MYO16: variants seen among roughly 807,000 people sequenced by gnomAD.
MYO16 encodes unconventional myosin-XVI.
A neutral mutation model predicts 205.3 loss-of-function variants in MYO16; 94 were observed. The ratio of observed to expected loss-of-function variants is 0.46; its 90% CI spans 0.39 to 0.54. MYO16 has a LOEUF of 0.54. MYO16 is among the 20% of genes least tolerant of loss of function. The pLI, the probability that MYO16 is intolerant of heterozygous loss-of-function variation, is 0.00. For missense variants in MYO16, 2,315 were observed against 2,387.5 expected, an observed-to-expected ratio of 0.97 and a Z score of 0.63; for synonymous variants, 988 against 954.0, an observed-to-expected ratio of 1.04 and a Z score of -0.66.
intron 20 of MYO16, among the ~76,000 whole-genome samples, chr13:108,990,511 A>G (rs1264055687): frequency 7.0e-6 from 1 of 142,094 alleles, no homozygotes; most frequent in Admixed American, 7.0e-5. Context: ...CCAAAACTGA[A>G]ATCAGAAAAA....
intron 4 of MYO16, among the ~76,000 whole-genome samples, chr13:108,745,009 G>A (rs865785453): frequency 1.1e-4 from 17 of 152,124 alleles, no homozygotes; most frequent in African/African-American, 4.1e-4. Flanking sequence ...GCAATAAAGT[G>A]TCACTGAAAA....
At chr13:109,195,518 A>C (rs548160847) in intron 34 of MYO16, among the ~76,000 whole-genome samples, 1 of 152,124 alleles carries the variant, frequency 6.6e-6, no homozygotes, top group Non-Finnish European at 1.5e-5. Flanking sequence ...CTTCGGTTTT[A>C]TAGACTCTGT....
At chr13:108,886,994 C>T (rs1381996534) in intron 13 of MYO16, among the ~76,000 whole-genome samples, 1 of 152,058 alleles carries the variant, frequency 6.6e-6, no homozygotes, top group Non-Finnish European at 1.5e-5. Context: ...TCCATTTTTA[C>T]GAATATGATA....
At chr13:109,038,653 C>T (rs992725774) in intron 23 of MYO16, among the ~76,000 whole-genome samples, 7 of 151,950 alleles carry the variant, frequency 4.6e-5, no homozygotes, top group African/African-American at 1.7e-4. Flanking sequence ...TTGGAGAACC[C>T]TGATGAATAC....
the MYO16 span, among the ~76,000 whole-genome samples, chr13:108,545,817 T>C: frequency 6.6e-6 from 1 of 152,202 alleles, no homozygotes; most frequent in Non-Finnish European, 1.5e-5. Context: ...CCTTGGCATG[T>C]TGGAGTCAGA....
intron 33 of MYO16, among the ~76,000 whole-genome samples, chr13:109,174,693 T>G (rs1879081086): frequency 6.6e-6 from 1 of 151,960 alleles, no homozygotes; most frequent in South Asian, 2.1e-4. Context: ...CGGTCAGCCA[T>G]GTAAAATTCA....
intron 27 of MYO16, among the ~76,000 whole-genome samples, chr13:109,079,597 A>G (rs1391634462): frequency 6.6e-6 from 1 of 152,112 alleles, no homozygotes; most frequent in East Asian, 1.9e-4. Flanking sequence ...GGGAACAACA[A>G]GCACCGCAGG....
chr13:108,957,582 G>C, intron 16 of MYO16, 106 bp from the exon 17 acceptor site: 1 of 713,426 alleles, frequency 1.4e-6, no homozygotes, highest in Admixed American at 2.1e-5. Context: ...ACCATGTCCA[G>C]GTGATTCCCA....
At chr13:109,028,218 A>G (rs1018223904) in intron 23 of MYO16, among the ~76,000 whole-genome samples, 2 of 149,760 alleles carry the variant, frequency 1.3e-5, no homozygotes, top group Admixed American at 1.3e-4. Flanking sequence ...TTCTCTAACT[A>G]TAGTATTAAA....
rs745401773 is a variant in MYO16 at position 109,127,617 on chromosome 13, C to T, written c.4051+67C>T. The T allele has an allele frequency of 6.5e-7, 1 of 1,530,932 alleles. No individual in the cohort carries two copies. The highest frequency in any genetic ancestry group is 8.8e-7 in the Non-Finnish European group (1 of 1,130,170). The allele number at this position is 1,530,932 out of a possible 1,614,324, so 94.8% of individuals were successfully genotyped here. Reference sequence around the variant, plus strand: ...CGCATGCTCTGACTTCGCCTTGGGGCGCCCATGGCAGTACTGTCGCCCTAA... The same window carrying T: ...CGCATGCTCTGACTTCGCCTTGGGGTGCCCATGGCAGTACTGTCGCCCTAA... On this transcript the variant is annotated intron_variant, in intron 31 of 34. Coordinates refer to ENST00000457511, the MANE Select transcript of MYO16 (RefSeq NM_001198950.3). The surrounding 1 kb of genome is among the most constrained non-coding windows in gnomAD (Gnocchi z 4.2).
intron 2 of MYO16, among the ~76,000 whole-genome samples, chr13:108,681,413 T>C (rs1187024310): frequency 6.6e-6 from 1 of 152,218 alleles, no homozygotes; most frequent in African/African-American, 2.4e-5. Flanking sequence ...TCATTTCCAA[T>C]GTTGTTTCAG....
intron 22 of MYO16, among the ~76,000 whole-genome samples, chr13:109,015,270 AT>A (rs1885765594): frequency 6.6e-6 from 1 of 152,098 alleles, no homozygotes; most frequent in Non-Finnish European, 1.5e-5. Context: ...ACGTTTATCG[AT>A]TTGTGTATGT....
the MYO16 span, among the ~76,000 whole-genome samples, chr13:108,525,093 C>T: frequency 6.6e-6 from 1 of 152,140 alleles, no homozygotes; most frequent in Non-Finnish European, 1.5e-5. Context: ...GTCCACTCAA[C>T]ACACAGACTT....
chr13:108,619,015 C>A (rs961558295), intron 1 of MYO16, among the ~76,000 whole-genome samples: 9 of 152,160 alleles, frequency 5.9e-5, no homozygotes, highest in Non-Finnish European at 1.5e-5. Flanking sequence ...TGCCTGATTT[C>A]TATTATCATA....
intron 16 of MYO16, among the ~76,000 whole-genome samples, chr13:108,924,841 C>T (rs544099936): frequency 1.2e-4 from 19 of 152,172 alleles, no homozygotes; most frequent in African/African-American, 4.6e-4. Context: ...CGCACCCTGA[C>T]GTATTCAGTT....
chr13:109,046,597 G>T (rs936027520), intron 23 of MYO16, among the ~76,000 whole-genome samples: 8 of 152,186 alleles, frequency 5.3e-5, no homozygotes, highest in Non-Finnish European at 1.0e-4. Flanking sequence ...ACTTGGTTTA[G>T]TGAGTTTTCT....
Position 108,828,961 on chromosome 13 carries a change from T to C in MYO16, c.1097+5683T>C, listed in dbSNP as rs402556. Among the ~76,000 whole-genome samples the C allele has an allele frequency of 2.8e-3, 419 of 152,334 alleles. 6 individuals are homozygous for C. The highest frequency in any genetic ancestry group is 8.8e-3 in the African/African-American group (364 of 41,576). On this transcript the variant is annotated intron_variant, in intron 9 of 34. Transcript: ENST00000457511. ...TTGTCTTAATTTGTATCCTTTATGATAAAGCTGTATTAGTACTTTGGTGAG... is the reference window on the plus strand; with the variant it reads ...TTGTCTTAATTTGTATCCTTTATGACAAAGCTGTATTAGTACTTTGGTGAG...
intron 21 of MYO16, among the ~76,000 whole-genome samples, chr13:108,995,415 G>A (rs1011017376): frequency 2.6e-5 from 4 of 152,202 alleles, no homozygotes; most frequent in Non-Finnish European, 5.9e-5. Flanking sequence ...CAGAATTAAC[G>A]AATCATTTCT....
intron 2 of MYO16, among the ~76,000 whole-genome samples, chr13:108,709,216 G>A (rs1883630470): frequency 6.6e-6 from 1 of 152,156 alleles, no homozygotes; most frequent in Non-Finnish European, 1.5e-5. Flanking sequence ...CGTTTCACTT[G>A]ACTGGCCGCT....
Sources: gnomAD v4.1 joint callset for allele counts (sites outside exome capture counted in the v4.1 genomes callset) on GRCh38, gnomAD v4.1.1 for gene constraint, Gnocchi (gnomAD v3.1) non-coding constraint, MANE v1.5 for transcripts, NCBI Gene and HGNC (gene_info 2026-07-23, HGNC 2026-07-21) for gene names.